Variants in HSP90AA1 observed in about 807,000 individuals in gnomAD.
HSP90AA1 encodes the protein heat shock protein HSP 90-alpha.
In HSP90AA1, 18 loss-of-function variants were observed where a neutral mutation model predicts 73.3. That is an observed-to-expected ratio of 0.25 (90% CI 0.17 to 0.36). The LOEUF (loss-of-function observed/expected upper bound fraction) is 0.36, where lower values mean the gene tolerates loss of function less well. HSP90AA1 is among the 10% of genes least tolerant of loss of function. HSP90AA1 has a pLI of 1.00. For synonymous variants in HSP90AA1, 477 were observed against 296.9 expected (o/e 1.61, Z -6.24); for missense variants, 704 against 874.2 (o/e 0.81, Z 2.45).
chr14:102,114,959 C>A (rs2049688013), intron 1 of HSP90AA1, among the ~76,000 whole-genome samples: 1 of 151,570 alleles, frequency 6.6e-6, no homozygotes, highest in Admixed American at 6.6e-5. Flanking sequence ...ACGGTGAAAC[C>A]CCGTCTCTAC....
At chr14:102,091,320 T>A (rs762052142), upstream of HSP90AA1, among the ~76,000 whole-genome samples, 24 of 152,028 alleles carry the variant, frequency 1.6e-4, no homozygotes, top group Non-Finnish European at 3.1e-4. Flanking sequence ...TGATTTTTGT[T>A]TTATCCTGAT....
At chr14:102,085,024 T>C (rs192140002) in intron 4 of HSP90AA1, 26 bp from the exon 5 acceptor site, 97 of 1,613,914 alleles carry the variant, frequency 6.0e-5, no homozygotes, top group Non-Finnish European at 7.4e-5. Flanking sequence ...CGAAATCACA[T>C]CACTGCTGCA....
At position 102,084,855 on chromosome 14, in the gene HSP90AA1, C is replaced by T. The variant is rs767362321; in HGVS notation, c.807G>A (p.Lys269=). 1.9e-6 allele frequency: 3 copies of T among 1,584,190 alleles called. No homozygotes were observed. The highest frequency in any genetic ancestry group is 2.2e-5 in the South Asian group (2 of 90,438). Residue 269 remains lysine, a synonymous_variant, in exon 5 of 11, where the codon AAG becomes AAA. Transcript: ENST00000216281. ...EDVGSDEEEE[K]KDGDKKKKKK... ...TCTTCTTCTTCTTGTCACCATCCTTCTTTTCTTCTTCCTCATCAGAACCAA... is the reference window on the plus strand; with the variant it reads ...TCTTCTTCTTCTTGTCACCATCCTTTTTTTCTTCTTCCTCATCAGAACCAA...
exon 1 of HSP90AA1, chr14:102,139,645 G>A (rs1000366122): frequency 2.3e-5 from 15 of 642,864 alleles, no homozygotes; most frequent in Non-Finnish European, 3.7e-5. Flanking sequence ...GCTGAAGCCG[G>A]CATCACCTGG....
At chr14:102,088,927 CAA>C (rs774046933), upstream of HSP90AA1, among the ~76,000 whole-genome samples, 3 of 145,376 alleles carry the variant, frequency 2.1e-5, no homozygotes, top group Non-Finnish European at 4.5e-5. Context: ...TTTTTTTAGA[CAA>C]AGTCTCACTC....
intron 1 of HSP90AA1, among the ~76,000 whole-genome samples, chr14:102,120,803 C>T (rs995020638): frequency 2.6e-5 from 4 of 151,158 alleles, no homozygotes; most frequent in Non-Finnish European, 5.9e-5. Context: ...ATTAGCGTGG[C>T]GGTGGGCGCC....
intron 1 of HSP90AA1, among the ~76,000 whole-genome samples, chr14:102,117,715 G>A (rs576570368): frequency 1.1e-4 from 17 of 152,224 alleles, no homozygotes; most frequent in African/African-American, 3.4e-4. Context: ...ACCGAATGGC[G>A]AAACTAAAAG....
At chr14:102,089,789 C>T (rs1193679391), upstream of HSP90AA1, among the ~76,000 whole-genome samples, 5 of 152,192 alleles carry the variant, frequency 3.3e-5, no homozygotes, top group Non-Finnish European at 7.4e-5. Context: ...ACGGATCTGG[C>T]ACTGAGTCCT....
Position 102,083,650 on chromosome 14 carries a change from T to G in HSP90AA1, c.1382A>C (p.Glu461Ala). ...EDSQNRKKLSELLRYYTSASG... is the reference protein window; with the variant it reads ...EDSQNRKKLSALLRYYTSASG... Reference sequence around the variant, plus strand: ...GGCAGATGTGTAGTACCTTAACAGCTCTGAAAGCTTCTTCCGATTTTGAGA... The same window carrying G: ...GGCAGATGTGTAGTACCTTAACAGCGCTGAAAGCTTCTTCCGATTTTGAGA... Residue 461 changes from glutamate (E) to alanine (A), a missense_variant, in exon 8 of 11, where the codon GAG (glutamate) becomes GCG (alanine). By Grantham distance (107) the Glu-to-Ala change is moderately radical (BLOSUM62 -1). Transcript: ENST00000216281. 1 of 1,613,228 alleles carries G rather than the reference T, an allele frequency of 6.2e-7. No homozygotes were observed. The highest frequency in any genetic ancestry group is 8.5e-7 in the Non-Finnish European group (1 of 1,179,594).
upstream of HSP90AA1, chr14:102,139,735 C>G (rs574183547): frequency 8.1e-6 from 7 of 860,788 alleles, no homozygotes; most frequent in African/African-American, 1.0e-4. Flanking sequence ...GCCAGGTGAG[C>G]ACGCCTGCGC....
intron 1 of HSP90AA1, among the ~76,000 whole-genome samples, chr14:102,105,774 T>C (rs550319917): frequency 9.2e-5 from 14 of 152,150 alleles, no homozygotes; most frequent in Middle Eastern, 3.4e-3. Flanking sequence ...TGGAGACAAT[T>C]AGAAAGCTTT....
rs2273655 is a variant in HSP90AA1 at position 102,087,027 on chromosome 14, C to A, written c.-42G>T. 4.1e-6 allele frequency: 4 copies of A among 985,384 alleles called. No individual in the cohort carries two copies. The highest frequency in any genetic ancestry group is 1.1e-4 in the East Asian group (1 of 8,772). 61.0% of individuals were successfully genotyped at this position (985,384 alleles called of 1,614,324 possible). On this transcript the variant is annotated 5_prime_UTR_variant, in exon 1 of 11. Transcript: ENST00000216281. ...CACAGGACCAACGGCACAGCCACAC[C>A]GGGACGCTGAAGCAACTGACGCGCC...
intron 1 of HSP90AA1, among the ~76,000 whole-genome samples, chr14:102,138,381 G>GTAAC (rs1310951910): frequency 1.3e-5 from 2 of 152,156 alleles, no homozygotes; most frequent in African/African-American, 4.8e-5. Context: ...TATAGCCATG[G>GTAAC]TAACGACAGA....
chr14:102,085,583 G>T, intron 3 of HSP90AA1, 152 bp from the exon 4 acceptor site: 1 of 1,216,136 alleles, frequency 8.2e-7, no homozygotes, highest in Non-Finnish European at 1.2e-6. Flanking sequence ...AAGGTGCCTC[G>T]CCCAAAAGAA....
chr14:102,100,532 T>C (rs1219384373), intron 2 of HSP90AA1, among the ~76,000 whole-genome samples: 1 of 151,754 alleles, frequency 6.6e-6, no homozygotes, highest in African/African-American at 2.4e-5. Flanking sequence ...TTCAAGCGGT[T>C]CTCCTGCCTC....
intron 1 of HSP90AA1, among the ~76,000 whole-genome samples, chr14:102,107,783 G>A (rs966218468): frequency 5.3e-5 from 8 of 151,980 alleles, no homozygotes; most frequent in Non-Finnish European, 8.8e-5. Context: ...TGAACGCTCT[G>A]TCCCACCAAT....
chr14:102,082,912 C>T lies in HSP90AA1; in HGVS notation c.1755+122G>A, dbSNP rs957513569. On this transcript the variant is annotated intron_variant, in intron 9 of 10. Coordinates refer to ENST00000216281, the MANE Select transcript of HSP90AA1 (RefSeq NM_005348.4). ...GGGATTGCAGGCGTGAGCCACCGCG[C>T]CCAGCCACACACAACATAGTTTTCT... The T allele has an allele frequency of 2.5e-5, 26 of 1,059,360 alleles. No homozygotes were observed. In the Admixed American group the frequency reaches 3.2e-4, roughly 13 times the overall value. The allele number at this position is 1,059,360 out of a possible 1,614,324, so 65.6% of individuals were successfully genotyped here.
chr14:102,134,445 C>T (rs1040023208), intron 1 of HSP90AA1, among the ~76,000 whole-genome samples: 1 of 151,490 alleles, frequency 6.6e-6, no homozygotes, highest in African/African-American at 2.4e-5. Context: ...TTGGTGGGTT[C>T]TTGGTCTCAC....
At chr14:102,139,395 A>T (rs1477848875) in exon 1 of HSP90AA1, 1 of 1,571,444 alleles carries the variant, frequency 6.4e-7, no homozygotes, top group Non-Finnish European at 8.6e-7. Flanking sequence ...CCGCCCGAAC[A>T]CGGGGGCATC....
Sources: allele counts gnomAD v4.1 joint callset (sites outside exome capture counted in the v4.1 genomes callset), GRCh38; gene constraint gnomAD v4.1.1; transcripts MANE v1.5; gene names NCBI Gene and HGNC (gene_info 2026-07-23, HGNC 2026-07-21).